Variants in TSHZ2 observed in about 807,000 individuals in gnomAD.
TSHZ2 encodes teashirt homolog 2.
A neutral mutation model predicts 74.4 loss-of-function variants in TSHZ2; 21 were observed. The ratio of observed to expected loss-of-function variants is 0.28; its 90% CI spans 0.20 to 0.41. TSHZ2 has a LOEUF of 0.41. TSHZ2 is among the 10% of genes least tolerant of loss of function. The pLI, the probability that TSHZ2 is intolerant of heterozygous loss-of-function variation, is 1.00. For missense variants in TSHZ2, 1,244 were observed against 1,293.5 expected (o/e 0.96, Z 0.59); for synonymous variants, 540 against 515.3 (o/e 1.05, Z -0.65).
At chr20:53,383,580 T>C (rs1981935740) in intron 2 of TSHZ2, among the ~76,000 whole-genome samples, 1 of 151,940 alleles carries the variant, frequency 6.6e-6, no homozygotes, top group African/African-American at 2.4e-5. Context: ...GCCAATATGG[T>C]GAAACCCCAT....
chr20:53,302,004 G>A (rs374063268), intron 2 of TSHZ2, among the ~76,000 whole-genome samples: 34 of 152,318 alleles, frequency 2.2e-4, no homozygotes, highest in African/African-American at 7.2e-4. Flanking sequence ...GGGAGGCCGC[G>A]GGGAGTGGTT....
At chr20:53,253,124 T>G (rs1050902169) in intron 1 of TSHZ2, among the ~76,000 whole-genome samples, 1 of 152,156 alleles carries the variant, frequency 6.6e-6, no homozygotes, top group South Asian at 2.1e-4. Context: ...CCAACATTCT[T>G]CCCTGTAGAC....
intron 2 of TSHZ2, among the ~76,000 whole-genome samples, chr20:53,267,077 C>A (rs1317044179): frequency 6.6e-6 from 1 of 152,178 alleles, no homozygotes; most frequent in Non-Finnish European, 1.5e-5. Context: ...CACGCCCGGC[C>A]TCGATGATGA....
chr20:53,244,828 T>A (rs965288229), intron 1 of TSHZ2, among the ~76,000 whole-genome samples: 2 of 152,216 alleles, frequency 1.3e-5, no homozygotes, highest in Non-Finnish European at 2.9e-5. Context: ...CTACGGAAGT[T>A]CCCGGCACAC....
chr20:52,989,048 A>G (rs1981877384), intron 1 of TSHZ2, among the ~76,000 whole-genome samples: 1 of 151,590 alleles, frequency 6.6e-6, no homozygotes, highest in Admixed American at 6.6e-5. Flanking sequence ...ACAGTAGGTG[A>G]CTCTTAAATG....
At chr20:53,442,319 T>C (rs993724232) in intron 2 of TSHZ2, among the ~76,000 whole-genome samples, 6 of 152,194 alleles carry the variant, frequency 3.9e-5, no homozygotes, top group African/African-American at 1.4e-4. Context: ...AAGAATGCTG[T>C]GTCTGTTGCT....
At chr20:53,165,979 A>G (rs2123474171) in intron 1 of TSHZ2, among the ~76,000 whole-genome samples, 1 of 152,280 alleles carries the variant, frequency 6.6e-6, no homozygotes, top group South Asian at 2.1e-4. Context: ...CAAACTTTCT[A>G]GTTTCAGATG....
chr20:53,264,081 C>G (rs1304213387), intron 2 of TSHZ2, among the ~76,000 whole-genome samples: 1 of 152,244 alleles, frequency 6.6e-6, no homozygotes, highest in Non-Finnish European at 1.5e-5. Flanking sequence ...TAATACATCT[C>G]TTGCCTTAGG....
At chr20:53,309,047 G>A (rs568253617) in intron 2 of TSHZ2, among the ~76,000 whole-genome samples, 133 of 152,304 alleles carry the variant, frequency 8.7e-4, no homozygotes, top group Non-Finnish European at 5.4e-4. Context: ...AGGTTTGTTC[G>A]CCAACAGGCA....
At chr20:53,062,721 C>G (rs1223699216) in intron 1 of TSHZ2, among the ~76,000 whole-genome samples, 3 of 152,190 alleles carry the variant, frequency 2.0e-5, no homozygotes, top group Non-Finnish European at 4.4e-5. Context: ...GGTTCACTTT[C>G]CTATCATTTG....
chr20:53,200,197 G>T (rs1988968320), intron 1 of TSHZ2, among the ~76,000 whole-genome samples: 1 of 152,098 alleles, frequency 6.6e-6, no homozygotes, highest in African/African-American at 2.4e-5. Context: ...ACTTCCTCAG[G>T]GTATACACAG....
chr20:53,318,708 C>T (rs1979126219), intron 2 of TSHZ2, among the ~76,000 whole-genome samples: 1 of 152,168 alleles, frequency 6.6e-6, no homozygotes, highest in Non-Finnish European at 1.5e-5. Flanking sequence ...GGGCACCATG[C>T]TTGGCAAAGG....
intron 2 of TSHZ2, among the ~76,000 whole-genome samples, chr20:53,438,870 GA>G (rs1279636993): frequency 6.6e-6 from 1 of 152,188 alleles, no homozygotes. Flanking sequence ...TGAGGCTGCG[GA>G]ATCGCTTGAC....
intron 1 of TSHZ2, among the ~76,000 whole-genome samples, chr20:53,115,423 T>C (rs903504573): frequency 1.3e-5 from 2 of 152,158 alleles, no homozygotes; most frequent in African/African-American, 2.4e-5. Flanking sequence ...GCAGTTCCCC[T>C]GCACACATTC....
At chr20:53,193,572 A>G (rs2426460) in intron 1 of TSHZ2, among the ~76,000 whole-genome samples, 77,000 of 152,044 alleles carry the variant, frequency 0.51, 20,317 homozygotes, top group African/African-American at 0.65. Context: ...CTGTTCCCCA[A>G]ATCTAACCAA....
intron 1 of TSHZ2, among the ~76,000 whole-genome samples, chr20:53,087,846 G>T (rs1487223752): frequency 1.3e-5 from 2 of 152,136 alleles, no homozygotes; most frequent in Non-Finnish European, 2.9e-5. Context: ...TTGGCATTTG[G>T]CTTGACCAGA....
intron 2 of TSHZ2, among the ~76,000 whole-genome samples, chr20:53,334,135 AC>A (rs1731270531): frequency 1.3e-5 from 2 of 152,340 alleles, no homozygotes; most frequent in South Asian, 4.1e-4. Flanking sequence ...CAAAGTAGAC[AC>A]CAATGTTGCC....
At chr20:53,155,532 C>T (rs1259763236) in intron 1 of TSHZ2, among the ~76,000 whole-genome samples, 1 of 151,710 alleles carries the variant, frequency 6.6e-6, no homozygotes, top group Non-Finnish European at 1.5e-5. Context: ...TCTCCCAGGG[C>T]ACAGGTCTGG....
intron 2 of TSHZ2, among the ~76,000 whole-genome samples, chr20:53,303,788 A>G (rs940674785): frequency 6.6e-6 from 1 of 152,224 alleles, no homozygotes; most frequent in Non-Finnish European, 1.5e-5. Flanking sequence ...GGTCTGTCTT[A>G]TAGGTTCTTG....
Sources: allele counts gnomAD v4.1 joint callset (sites outside exome capture counted in the v4.1 genomes callset), GRCh38; gene constraint gnomAD v4.1.1; transcripts MANE v1.5; gene names NCBI Gene and HGNC (gene_info 2026-07-23, HGNC 2026-07-21).